Variants in CTNNA2 observed in about 807,000 individuals in gnomAD.
CTNNA2 encodes the protein catenin alpha-2.
A neutral mutation model predicts 101.0 loss-of-function variants in CTNNA2; 42 were observed. The observed-to-expected ratio is 0.42, with a 90% CI of 0.32 to 0.54. The LOEUF is 0.54. Ranked by LOEUF, CTNNA2 falls within the 20% of genes least tolerant of loss-of-function variation. The pLI is 0.14. For synonymous variants in CTNNA2, 450 were observed against 456.4 expected, an observed-to-expected ratio of 0.99 and a Z score of 0.18; for missense variants, 871 against 1,223.1, an observed-to-expected ratio of 0.71 and a Z score of 4.29.
chr2:80,471,940 A>G (rs867873615), intron 9 of CTNNA2, among the ~76,000 whole-genome samples: 36 of 152,232 alleles, frequency 2.4e-4, no homozygotes, highest in Middle Eastern at 3.4e-3. Flanking sequence ...AGCCTGGCCA[A>G]TGTGGCGAAA....
At chr2:79,687,094 G>T (rs939170635) in intron 2 of CTNNA2, among the ~76,000 whole-genome samples, 2 of 152,120 alleles carry the variant, frequency 1.3e-5, no homozygotes, top group African/African-American at 4.8e-5. Context: ...GTGACAGCAT[G>T]ATGGACACAT....
Position 79,998,210 on chromosome 2 carries a change from A to G in CTNNA2, c.1056+88413A>G, listed in dbSNP as rs80093094. Among the ~76,000 whole-genome samples the G allele has an allele frequency of 7.4e-3, 1,130 of 152,316 alleles. 12 individuals are homozygous for G. Among genetic ancestry groups the G allele is most frequent in the African/African-American group, 0.026 (1,061 of 41,568 alleles). The stretch of plus-strand genomic sequence containing the variant: ...TTACTAGCCAAGATGAATAGTAGCA[A>G]TAAATTGTGGATTCATTTCGTTGAA... On this transcript the variant is annotated intron_variant, in intron 7 of 18. Transcript: ENST00000402739.
At chr2:79,322,033 C>T (rs1676636744) in intron 3 of CTNNA2, among the ~76,000 whole-genome samples, 1 of 152,122 alleles carries the variant, frequency 6.6e-6, no homozygotes, top group Non-Finnish European at 1.5e-5. Flanking sequence ...ACAGTGATCA[C>T]ATCATTGGAG....
intron 7 of CTNNA2, among the ~76,000 whole-genome samples, chr2:80,173,484 G>A (rs1311977866): frequency 6.6e-6 from 1 of 152,090 alleles, no homozygotes; most frequent in Non-Finnish European, 1.5e-5. Flanking sequence ...AATTATAAAG[G>A]TATAAAAAGA....
intron 3 of CTNNA2, among the ~76,000 whole-genome samples, chr2:79,857,506 A>T (rs970117508): frequency 6.6e-6 from 1 of 152,206 alleles, no homozygotes; most frequent in African/African-American, 2.4e-5. Flanking sequence ...TACTAAGAGG[A>T]TTAGAAGATT....
intron 1 of CTNNA2, among the ~76,000 whole-genome samples, chr2:79,600,146 C>G (rs534872689): frequency 4.1e-4 from 63 of 152,122 alleles, no homozygotes; most frequent in African/African-American, 1.4e-3. Context: ...TTGAACTACA[C>G]CGAGAGATAG....
intron 1 of CTNNA2, among the ~76,000 whole-genome samples, chr2:79,626,601 ATGTGCGTGTGTGTGTGTATG>A (rs1296203171): frequency 7.3e-6 from 1 of 137,818 alleles, no homozygotes; most frequent in Non-Finnish European, 1.6e-5. Flanking sequence ...ATGTATGTGT[ATGTGCGTGTGTGTGTGTATG>A]TGTGTGTGTG....
At chr2:80,588,413 A>G (rs1307593150) in intron 14 of CTNNA2, among the ~76,000 whole-genome samples, 2 of 152,214 alleles carry the variant, frequency 1.3e-5, no homozygotes, top group Admixed American at 1.3e-4. Flanking sequence ...GTTCAACCTC[A>G]TCTGGGAATG....
chr2:79,818,417 A>G (rs1677705805), intron 3 of CTNNA2, among the ~76,000 whole-genome samples: 1 of 151,790 alleles, frequency 6.6e-6, no homozygotes, highest in African/African-American at 2.4e-5. Flanking sequence ...GTTTCAAGTG[A>G]TTCTCCTACC....
chr2:80,299,689 A>C (rs1676069347), intron 7 of CTNNA2: 1 of 152,236 alleles, frequency 6.6e-6, no homozygotes, highest in African/African-American at 2.4e-5. Context: ...TCTTATGGCC[A>C]CCTTGAAACA....
intron 1 of CTNNA2, among the ~76,000 whole-genome samples, chr2:79,554,551 A>G (rs757444816): frequency 1.3e-4 from 20 of 152,184 alleles, no homozygotes; most frequent in Admixed American, 1.3e-3. Flanking sequence ...TAGTTTTGTC[A>G]TACCCATTGC....
chr2:79,561,750 A>G (rs1482298660), intron 1 of CTNNA2, among the ~76,000 whole-genome samples: 2 of 151,850 alleles, frequency 1.3e-5, no homozygotes, highest in African/African-American at 4.8e-5. Flanking sequence ...TGGCCCTCAT[A>G]TAGCTTCTTT....
At chr2:80,090,816 G>A (rs1168284799) in intron 7 of CTNNA2, among the ~76,000 whole-genome samples, 1 of 152,058 alleles carries the variant, frequency 6.6e-6, no homozygotes, top group East Asian at 1.9e-4. Flanking sequence ...GAGCCTGTAA[G>A]TCCTTTTCCA....
intron 18 of CTNNA2, among the ~76,000 whole-genome samples, chr2:80,640,070 C>T (rs1313278022): frequency 6.6e-6 from 1 of 151,902 alleles, no homozygotes; most frequent in Non-Finnish European, 1.5e-5. Flanking sequence ...CCACTGCACT[C>T]CAGCCTGGGT....
chr2:80,636,885 C>A (rs901187862), intron 18 of CTNNA2, among the ~76,000 whole-genome samples: 5 of 152,068 alleles, frequency 3.3e-5, no homozygotes, highest in African/African-American at 1.2e-4. Flanking sequence ...TGTTTTCTTG[C>A]ACTCAGTCTT....
rs1310171425 is a variant in CTNNA2, at chr2:80,005,680, A to G, written c.1056+95883A>G. On this transcript the variant is annotated intron_variant, in intron 7 of 18. Coordinates refer to ENST00000402739, the MANE Select transcript of CTNNA2 (RefSeq NM_001282597.3). ...TGTTCTACTTATAGATTTTTTAATT[A>G]TATTAATAGGTCAGCTGCATGCTCA... Among the ~76,000 whole-genome samples the G allele has an allele frequency of 2.0e-5, 3 of 152,044 alleles. No individual in the cohort carries two copies. In the East Asian group the frequency reaches 5.8e-4, roughly 30 times the overall value.
At chr2:79,957,243 C>A (rs1339000526) in intron 7 of CTNNA2, among the ~76,000 whole-genome samples, 1 of 152,160 alleles carries the variant, frequency 6.6e-6, no homozygotes, top group Admixed American at 6.5e-5. Flanking sequence ...ACATATAGTG[C>A]TGTGCTGGTC....
At chr2:80,632,141 C>T (rs544321309) in intron 18 of CTNNA2, among the ~76,000 whole-genome samples, 2 of 152,136 alleles carry the variant, frequency 1.3e-5, no homozygotes, top group East Asian at 3.9e-4. Flanking sequence ...TCCATTTGTA[C>T]AGCGAATCCC....
intron 7 of CTNNA2, among the ~76,000 whole-genome samples, chr2:80,124,343 T>TA (rs1346756328): frequency 2.6e-5 from 4 of 152,096 alleles, no homozygotes; most frequent in Non-Finnish European, 5.9e-5. Flanking sequence ...ATTAAGTGCT[T>TA]ACACACCTTG....
Sources: allele counts gnomAD v4.1 joint callset (sites outside exome capture counted in the v4.1 genomes callset), GRCh38; gene constraint gnomAD v4.1.1; transcripts MANE v1.5; gene names NCBI Gene and HGNC (gene_info 2026-07-23, HGNC 2026-07-21).